The following TUB variants were observed in gnomAD, a reference collection of about 807,000 sequenced individuals.
TUB encodes the protein tubby protein homolog.
TUB carries 33 observed loss-of-function variants against 59.7 expected under a neutral mutation model. The ratio of observed to expected loss-of-function variants is 0.55; its 90% CI spans 0.42 to 0.74. TUB has a LOEUF of 0.74. Ranked by LOEUF, TUB falls within the 30% of genes least tolerant of loss-of-function variation. The pLI is 0.00. For synonymous variants in TUB, 293 were observed against 256.4 expected, an observed-to-expected ratio of 1.14 and a Z score of -1.36; for missense variants, 659 against 672.0, an observed-to-expected ratio of 0.98 and a Z score of 0.21.
intron 2 of TUB, among the ~76,000 whole-genome samples, chr11:8,043,547 T>G (rs1359747702): frequency 1.3e-5 from 2 of 152,218 alleles, no homozygotes; most frequent in African/African-American, 4.8e-5. Context: ...AGTCTTTTGA[T>G]CCATAAATAC....
chr11:8,080,777 A>T (rs930039863), upstream of TUB, among the ~76,000 whole-genome samples: 13 of 151,956 alleles, frequency 8.6e-5, no homozygotes, highest in Non-Finnish European at 2.9e-5. Context: ...GGGTGTGGGA[A>T]CTCGGAGGTG....
chr11:8,076,909 T>C (rs1943459666), upstream of TUB: 1 of 152,260 alleles, frequency 6.6e-6, no homozygotes, highest in Non-Finnish European at 1.5e-5. Flanking sequence ...ACATTTTTTT[T>C]CAGACATTGT....
At chr11:8,053,041 C>A (rs1309136904) in intron 2 of TUB, among the ~76,000 whole-genome samples, 1 of 152,158 alleles carries the variant, frequency 6.6e-6, no homozygotes, top group Non-Finnish European at 1.5e-5. Flanking sequence ...TATTCTTTAT[C>A]CTGTCAACTA....
chr11:8,094,995 T>C (rs1943922281), intron 4 of TUB, among the ~76,000 whole-genome samples: 1 of 152,220 alleles, frequency 6.6e-6, no homozygotes, highest in South Asian at 2.1e-4. Flanking sequence ...AGATGCTCCA[T>C]TTGGGAAGGC....
intron 2 of TUB, among the ~76,000 whole-genome samples, chr11:8,042,209 T>G (rs1272681858): frequency 6.6e-6 from 1 of 152,124 alleles, no homozygotes; most frequent in South Asian, 2.1e-4. Context: ...GGACATTTCA[T>G]GTAAATGGAA....
intron 1 of TUB, among the ~76,000 whole-genome samples, chr11:8,085,869 G>A (rs931599766): frequency 3.3e-5 from 5 of 152,216 alleles, no homozygotes; most frequent in African/African-American, 9.6e-5. Context: ...TTGTGTCCTT[G>A]CCCCTTGTTG....
upstream of TUB, chr11:8,076,432 T>G (rs1355295693): frequency 6.6e-6 from 1 of 152,164 alleles, no homozygotes. Context: ...TCCAACAACC[T>G]TTTTTCAACC....
At chr11:8,083,044 C>T (rs571986934) in intron 1 of TUB, among the ~76,000 whole-genome samples, 96 of 152,334 alleles carry the variant, frequency 6.3e-4, no homozygotes, top group African/African-American at 2.0e-3. Context: ...AGAGCTGCTG[C>T]GCCAGACAGA....
Position 8,104,310 on chromosome 11 carries a change from C to A in TUB, c.*2691C>A, listed in dbSNP as rs772537766. 6.6e-6 allele frequency: 1 copy of A among 151,994 alleles called. No individual in the cohort carries two copies. Among genetic ancestry groups the A allele is most frequent in the South Asian group, 2.1e-4 (1 of 4,800 alleles). The allele number at this position is 151,994 out of a possible 1,614,324, so 9.4% of individuals were successfully genotyped here. On this transcript the variant is annotated 3_prime_UTR_variant, in exon 12 of 12. Coordinates refer to ENST00000299506, the MANE Select transcript of TUB (RefSeq NM_177972.3). ...CCGCTTCTGGGGCCACACCCCAAAACTCTACACCCTCTGCCCCAGAACAAT... is the reference window on the plus strand; with the variant it reads ...CCGCTTCTGGGGCCACACCCCAAAAATCTACACCCTCTGCCCCAGAACAAT...
At chr11:8,049,263 A>G (rs1161732002) in intron 2 of TUB, among the ~76,000 whole-genome samples, 4 of 152,182 alleles carry the variant, frequency 2.6e-5, no homozygotes. Context: ...CCCATCCAGT[A>G]GGAAGAGCTG....
At chr11:8,055,974 C>T (rs1191266342) in intron 2 of TUB, among the ~76,000 whole-genome samples, 1 of 152,176 alleles carries the variant, frequency 6.6e-6, no homozygotes, top group Non-Finnish European at 1.5e-5. Flanking sequence ...CCAAGAGTCC[C>T]GCTCTCACAG....
upstream of TUB, among the ~76,000 whole-genome samples, chr11:8,038,425 A>C (rs572831145): frequency 6.6e-6 from 1 of 152,270 alleles, no homozygotes; most frequent in East Asian, 1.9e-4. Flanking sequence ...CCCTCCCAGC[A>C]CACAGCCTGA....
Position 8,100,817 on chromosome 11 carries a change from C to T in TUB, c.1216-9C>T, listed in dbSNP as rs539731420. The T allele has an allele frequency of 9.3e-6, 15 of 1,613,112 alleles. No homozygotes were observed. Among genetic ancestry groups the T allele is most frequent in the East Asian group, 2.2e-5 (1 of 44,864 alleles). On this transcript the variant is annotated splice_polypyrimidine_tract_variant and intron_variant, in intron 10 of 11. Coordinates refer to ENST00000299506, the MANE Select transcript of TUB (RefSeq NM_177972.3). ...CCTGGGCCTGGCTCAGGTGAGGCTG[C>T]CCTCCCAGGAGCATGAGACACTGCT...
In TUB at chr11:8,098,838, G is replaced by A; in HGVS notation, c.1079G>A (p.Ser360Asn). ...PQKASSSTLE[S>N]GTLRQELAAV... The stretch of plus-strand genomic sequence containing the variant: ...AAGGCCTCATCCTCCACTTTGGAAA[G>A]TGGAACCTTACGTCAGGAGCTGGCA... Residue 360 changes from serine to asparagine, a missense_variant, in exon 9 of 12, where the codon AGT (serine) becomes AAT (asparagine). This residue lies in a region of TUB where 226 missense variants were observed against 210.8 expected (regional missense o/e 1.07). Coordinates refer to ENST00000299506, the MANE Select transcript of TUB (RefSeq NM_177972.3). 3 of 1,614,176 alleles carry A rather than the reference G, an allele frequency of 1.9e-6. No individual in the cohort carries two copies. Among genetic ancestry groups the A allele is most frequent in the Non-Finnish European group, 2.5e-6 (3 of 1,180,022 alleles).
At chr11:8,080,430 CAG>C (rs958555694), upstream of TUB, among the ~76,000 whole-genome samples, 4 of 152,196 alleles carry the variant, frequency 2.6e-5, no homozygotes, top group African/African-American at 7.2e-5. Context: ...CCTCAGCGCG[CAG>C]AGACTTTCAG....
upstream of TUB, among the ~76,000 whole-genome samples, chr11:8,034,503 A>G (rs1432756060): frequency 2.0e-5 from 3 of 152,158 alleles, no homozygotes; most frequent in Non-Finnish European, 4.4e-5. Flanking sequence ...ACTGACATGC[A>G]GGTGCGATTT....
At chr11:8,033,945 C>T (rs1421009717), upstream of TUB, among the ~76,000 whole-genome samples, 2 of 152,242 alleles carry the variant, frequency 1.3e-5, no homozygotes, top group African/African-American at 2.4e-5. Flanking sequence ...GGCTGAAACG[C>T]ACCGCAGGGA....
At chr11:8,063,410 C>T (rs971204337) in intron 2 of TUB, among the ~76,000 whole-genome samples, 4 of 152,184 alleles carry the variant, frequency 2.6e-5, no homozygotes, top group Non-Finnish European at 5.9e-5. Flanking sequence ...AACATGAAGG[C>T]AGCATGAAGT....
At chr11:8,026,780 C>G (rs1055312610) in intron 1 of TUB, among the ~76,000 whole-genome samples, 1 of 152,126 alleles carries the variant, frequency 6.6e-6, no homozygotes. Flanking sequence ...AAGTTCTAAC[C>G]CCCATCCCCC....
Sources: allele counts gnomAD v4.1 joint callset (sites outside exome capture counted in the v4.1 genomes callset), GRCh38; gene constraint gnomAD v4.1.1; regional missense constraint gnomAD v4.1.1; transcripts MANE v1.5; gene names NCBI Gene and HGNC (gene_info 2026-07-23, HGNC 2026-07-21).